Variants in CNTNAP4 observed in about 807,000 individuals in gnomAD.
The protein encoded by CNTNAP4 is contactin-associated protein-like 4.
Under a neutral mutation model 148.4 loss-of-function variants are expected in CNTNAP4, and 98 were observed. The ratio of observed to expected loss-of-function variants is 0.66; its 90% CI spans 0.56 to 0.78. CNTNAP4 has a LOEUF of 0.78. Ranked by LOEUF, CNTNAP4 falls within the 30% of genes least tolerant of loss-of-function variation. The pLI is 0.00. For synonymous variants in CNTNAP4, 730 were observed against 565.1 expected, an observed-to-expected ratio of 1.29 and a Z score of -4.14; for missense variants, 1,935 against 1,565.6, an observed-to-expected ratio of 1.24 and a Z score of -3.98.
chr16:76,373,402 AT>A (rs2015073920), intron 3 of CNTNAP4, among the ~76,000 whole-genome samples: 1 of 152,162 alleles, frequency 6.6e-6, no homozygotes, highest in Non-Finnish European at 1.5e-5. Flanking sequence ...ATCTATCCAT[AT>A]TCCCAATTGC....
chr16:76,427,616 C>G lies in CNTNAP4; in HGVS notation c.538+17C>G. 2 of 1,590,460 alleles carry G rather than the reference C, an allele frequency of 1.3e-6. No homozygotes were observed. Among genetic ancestry groups the G allele is most frequent in the Non-Finnish European group, 1.7e-6 (2 of 1,169,140 alleles). On this transcript the variant is annotated intron_variant, in intron 4 of 23. Coordinates refer to ENST00000611870, the MANE Select transcript of CNTNAP4 (RefSeq NM_033401.5). ...GTGCATACAGTAAGTGTTTGTTTAT[C>G]CAATACACTGACATAGATATCAAAA... is the stretch of plus-strand genomic sequence containing the variant.
chr16:76,553,991 G>T, intron 23 of CNTNAP4, 84 bp downstream of exon 23: 2 of 861,520 alleles, frequency 2.3e-6, no homozygotes, highest in South Asian at 3.1e-5. Context: ...AAACTGTGAA[G>T]AATCTGCACA....
At chr16:76,532,505 T>A (rs1298626753) in intron 17 of CNTNAP4, among the ~76,000 whole-genome samples, 1 of 152,106 alleles carries the variant, frequency 6.6e-6, no homozygotes, top group Non-Finnish European at 1.5e-5. Context: ...ACTGGCAGAA[T>A]GAGATAAGCC....
intron 12 of CNTNAP4, among the ~76,000 whole-genome samples, chr16:76,489,167 G>A (rs1397734168): frequency 6.6e-6 from 1 of 152,148 alleles, no homozygotes; most frequent in Non-Finnish European, 1.5e-5. Context: ...TAGTTGTTAA[G>A]AGTAGAAAAG....
At chr16:76,329,893 A>G (rs550752906) in intron 2 of CNTNAP4, among the ~76,000 whole-genome samples, 1 of 152,276 alleles carries the variant, frequency 6.6e-6, no homozygotes, top group African/African-American at 2.4e-5. Context: ...CCAGAAAGAG[A>G]ACGTTTATGT....
At chr16:76,529,915 T>A (rs1344725715) in intron 17 of CNTNAP4, among the ~76,000 whole-genome samples, 2 of 151,918 alleles carry the variant, frequency 1.3e-5, no homozygotes, top group East Asian at 3.9e-4. Context: ...GAGTGAAATT[T>A]CTAGGTCACG....
intron 3 of CNTNAP4, among the ~76,000 whole-genome samples, chr16:76,418,487 C>T (rs2079067256): frequency 6.6e-6 from 1 of 151,044 alleles, no homozygotes; most frequent in South Asian, 2.1e-4. Context: ...GTTGTTGGGC[C>T]CATCAAAGGC....
At chr16:76,281,894 A>C (rs1958701244) in intron 1 of CNTNAP4, among the ~76,000 whole-genome samples, 1 of 151,944 alleles carries the variant, frequency 6.6e-6, no homozygotes, top group African/African-American at 2.4e-5. Flanking sequence ...AACCTGCATG[A>C]CAAAAATTTC....
At chr16:76,523,937 A>G (rs1340457058) in intron 17 of CNTNAP4, among the ~76,000 whole-genome samples, 1 of 152,164 alleles carries the variant, frequency 6.6e-6, no homozygotes. Flanking sequence ...CTCAACAACA[A>G]CAACAAAGAA....
At chr16:76,521,100 C>T in intron 15 of CNTNAP4, 40 bp from the exon 16 acceptor site, 8 of 1,506,364 alleles carry the variant, frequency 5.3e-6, no homozygotes, top group East Asian at 2.3e-5. Flanking sequence ...AATTTGTTTT[C>T]TTTCTGAATT....
intron 8 of CNTNAP4, among the ~76,000 whole-genome samples, chr16:76,460,773 A>AAAAAAATATATATAT: frequency 3.5e-5 from 2 of 57,322 alleles, no homozygotes; most frequent in African/African-American, 1.3e-4. Flanking sequence ...AAAAAAAAAA[A>AAAAAAATATATATAT]ATATATATAT....
chr16:76,321,886 G>T (rs1003713548), intron 2 of CNTNAP4, among the ~76,000 whole-genome samples: 4 of 151,562 alleles, frequency 2.6e-5, no homozygotes, highest in African/African-American at 9.7e-5. Context: ...AAAAGAGTAA[G>T]ATATAACTTT....
intron 3 of CNTNAP4, among the ~76,000 whole-genome samples, chr16:76,401,125 G>A (rs2078400992): frequency 6.6e-6 from 1 of 151,956 alleles, no homozygotes; most frequent in African/African-American, 2.4e-5. Context: ...ACATTGCTTT[G>A]GGCAGTACGG....
intron 3 of CNTNAP4, among the ~76,000 whole-genome samples, chr16:76,391,113 T>C (rs548471901): frequency 6.6e-6 from 1 of 152,168 alleles, no homozygotes; most frequent in Non-Finnish European, 1.5e-5. Flanking sequence ...TTTCTAACTA[T>C]GGTTTTGTAC....
intron 3 of CNTNAP4, among the ~76,000 whole-genome samples, chr16:76,384,792 A>G (rs2016348183): frequency 6.6e-6 from 1 of 152,154 alleles, no homozygotes; most frequent in African/African-American, 2.4e-5. Context: ...ATAAGCTTTT[A>G]TTTTACTACA....
At chr16:76,347,724 T>A (rs536718733) in intron 2 of CNTNAP4, among the ~76,000 whole-genome samples, 1 of 152,220 alleles carries the variant, frequency 6.6e-6, no homozygotes, top group African/African-American at 2.4e-5. Flanking sequence ...TTAATACAGC[T>A]TCTGAGATGG....
chr16:76,406,454 A>G (rs942560807), intron 3 of CNTNAP4, among the ~76,000 whole-genome samples: 3 of 152,122 alleles, frequency 2.0e-5, no homozygotes, highest in Non-Finnish European at 4.4e-5. Context: ...AAGTGAAAGG[A>G]AGAGTCATGT....
intron 1 of CNTNAP4, among the ~76,000 whole-genome samples, chr16:76,281,678 C>T (rs1338691324): frequency 6.6e-6 from 1 of 151,964 alleles, no homozygotes; most frequent in African/African-American, 2.4e-5. Context: ...TATATAACAT[C>T]TATCATAAGA....
rs2082543599 is a variant in CNTNAP4, at chr16:76,499,584, T to G, written c.2365+890T>G. Among the ~76,000 whole-genome samples, 4 of 151,834 alleles carry G rather than the reference T, an allele frequency of 2.6e-5. No individual in the cohort carries two copies. The South Asian group carries it at 8.3e-4, about 32-fold the overall frequency. The stretch of plus-strand genomic sequence containing the variant: ...ATTTATTTATTTTAGTATTTATTGA[T>G]CATTCTTGGGTGTTTCTCGGAGAGG... On this transcript the variant is annotated intron_variant, in intron 15 of 23. Transcript: ENST00000611870.
Sources: gnomAD v4.1 joint callset for allele counts (sites outside exome capture counted in the v4.1 genomes callset) on GRCh38, gnomAD v4.1.1 for gene constraint, MANE v1.5 for transcripts, NCBI Gene and HGNC (gene_info 2026-07-23, HGNC 2026-07-21) for gene names.